The following ORC1 variants were observed in gnomAD, a reference collection of about 807,000 sequenced individuals.
ORC1 encodes origin recognition complex, subunit 1 homolog.
Under a neutral mutation model 98.9 loss-of-function variants are expected in ORC1, and 61 were observed. The observed-to-expected ratio is 0.62, with a 90% confidence interval of 0.50 to 0.76. The LOEUF (loss-of-function observed/expected upper bound fraction) is 0.76. ORC1 is among the 30% of genes least tolerant of loss of function. ORC1 has a pLI of 0.00. For synonymous variants in ORC1, 385 were observed against 406.9 expected (o/e 0.95, Z 0.65); for missense variants, 979 against 1,072.2 (o/e 0.91, Z 1.21).
intron 13 of ORC1, 64 bp downstream of exon 13, chr1:52,383,356 G>C (rs1647097147): frequency 6.9e-6 from 11 of 1,598,218 alleles, no homozygotes; most frequent in Non-Finnish European, 9.4e-6. Context: ...GACCATTTTT[G>C]CAGAACTTCT....
chr1:52,393,893 T>C (rs1388391203), intron 5 of ORC1, 90 bp from the exon 6 acceptor site: 5 of 1,339,526 alleles, frequency 3.7e-6, no homozygotes, highest in East Asian at 2.3e-5. Context: ...CACTGAGTTA[T>C]ATGTAAAACA....
chr1:52,383,461 G>C lies in ORC1; in HGVS notation c.1972C>G (p.Leu658Val), dbSNP rs778295204. The change falls in exon 13 of 17, where the codon CTG becomes GTG. Residue 658 changes from leucine to valine, a missense_variant. Coordinates refer to ENST00000371568, the MANE Select transcript of ORC1 (RefSeq NM_004153.4). ...CGGTTCATCATGATTCGCTCTGGCAGGTCCATTGTGTTGGCAATTGCCAGG... is the reference window on the plus strand; with the variant it reads ...CGGTTCATCATGATTCGCTCTGGCACGTCCATTGTGTTGGCAATTGCCAGG... ...VVLAIANTMD[L>V]PERIMMNRVS... 18 of 1,613,290 alleles carry C rather than the reference G, an allele frequency of 1.1e-5. No individual in the cohort carries two copies. The South Asian group carries it at 1.8e-4, about 16-fold the overall frequency.
At chr1:52,381,878 A>G (rs1647075207) in intron 13 of ORC1, 117 bp from the exon 14 acceptor site, 1 of 964,744 alleles carries the variant, frequency 1.0e-6, no homozygotes. Flanking sequence ...CAAATTACAC[A>G]TTTCATACCT....
intron 1 of ORC1, among the ~76,000 whole-genome samples, chr1:52,403,173 G>A (rs2147949782): frequency 6.6e-6 from 1 of 152,316 alleles, no homozygotes; most frequent in Non-Finnish European, 1.5e-5. Flanking sequence ...CCACAAAATG[G>A]AGAAAATAGA....
chr1:52,383,833 A>G lies in ORC1; in HGVS notation c.1860T>C (p.Asp620=). The change falls in exon 12 of 17, where the codon GAT becomes GAC. Residue 620 remains aspartate, a synonymous_variant. Transcript: ENST00000371568. ...TGTCCGCCCATGGGCACCTCACCTC[A>G]TCCACAAGCAGGACGGTGGTTTCCT... The part of the protein sequence containing the change: ...SPQETTVLLV[D]ELDLLWTHKQ... 2.5e-6 allele frequency: 4 copies of G among 1,613,286 alleles called. No individual in the cohort carries two copies. The highest frequency in any genetic ancestry group is 3.4e-6 in the Non-Finnish European group (4 of 1,179,338).
chr1:52,407,355 T>C (rs1211701026), upstream of ORC1, among the ~76,000 whole-genome samples: 3 of 152,068 alleles, frequency 2.0e-5, no homozygotes, highest in Admixed American at 6.5e-5. Context: ...AGAAAATACC[T>C]AACTTTTGTT....
intron 1 of ORC1, 31 bp from the exon 2 acceptor site, chr1:52,402,259 T>A: frequency 6.7e-7 from 1 of 1,500,604 alleles, no homozygotes; most frequent in Middle Eastern, 1.7e-4. Flanking sequence ...TGAGTTACCA[T>A]GATAAATATT....
At position 52,375,539 on chromosome 1, in the gene ORC1, T is replaced by A; in HGVS notation, c.2194A>T (p.Ile732Phe). Residue 732 changes from isoleucine (I) to phenylalanine (F), a missense_variant, in exon 15 of 17, where the codon ATC (isoleucine) becomes TTC (phenylalanine). Physicochemically the swap from Ile to Phe is conservative, Grantham distance 21. Coordinates refer to ENST00000371568, the MANE Select transcript of ORC1 (RefSeq NM_004153.4). ...CLDICRRATE[I>F]CEFSQQKPDS... The stretch of plus-strand genomic sequence containing the variant: ...GGCTTCTGCTGGGAGAACTCACAGA[T>A]CTCTGTGGCACGCCTGCAGATGTCC... 1.9e-6 allele frequency: 3 copies of A among 1,614,114 alleles called. No individual in the cohort carries two copies. Among genetic ancestry groups the A allele is most frequent in the Non-Finnish European group, 2.5e-6 (3 of 1,179,992 alleles).
At chr1:52,401,263 T>C (rs1647690950) in intron 3 of ORC1, 99 bp downstream of exon 3, 2 of 1,460,878 alleles carry the variant, frequency 1.4e-6, no homozygotes, top group Non-Finnish European at 9.6e-7. Context: ...CTCAGTCTAA[T>C]GTGCCCTGCA....
At chr1:52,384,008 C>T (rs1296787394) in intron 11 of ORC1, 71 bp from the exon 12 acceptor site, 2 of 1,260,810 alleles carry the variant, frequency 1.6e-6, no homozygotes, top group Non-Finnish European at 1.2e-6. Context: ...GTTAAATCTG[C>T]AAATGGAGGG....
At chr1:52,387,643 A>G (rs2147929188) in intron 8 of ORC1, among the ~76,000 whole-genome samples, 1 of 152,230 alleles carries the variant, frequency 6.6e-6, no homozygotes, top group Middle Eastern at 3.4e-3. Context: ...TTTTAAGCAG[A>G]GACAGGGTTT....
In ORC1 at chr1:52,384,595, G is replaced by A. The variant is rs868265858; in HGVS notation, c.1710C>T (p.Gly570=). Residue 570 remains glycine, a synonymous_variant, in exon 11 of 17, where the codon GGC becomes GGT. Transcript: ENST00000371568. ...CTTGGTGGGGCTCCGTCAGCTTCAT[G>A]CCATTGACCTCAATGTATTGAAAGG... ...VPPFQYIEVN[G]MKLTEPHQVY... The A allele has an allele frequency of 1.2e-6, 2 of 1,614,086 alleles. No homozygotes were observed. The highest frequency in any genetic ancestry group is 1.6e-4 in the Middle Eastern group (1 of 6,062).
At chr1:52,382,002 G>T in intron 13 of ORC1, among the ~76,000 whole-genome samples, 1 of 151,588 alleles carries the variant, frequency 6.6e-6, no homozygotes, top group African/African-American at 2.4e-5. Flanking sequence ...TCTTTGAGAC[G>T]GAGTCTTGCT....
chr1:52,396,188 C>G lies in ORC1; in HGVS notation c.579G>C (p.Lys193Asn). The G allele has an allele frequency of 6.2e-7, 1 of 1,614,198 alleles. No individual in the cohort carries two copies. Among genetic ancestry groups the G allele is most frequent in the Non-Finnish European group, 8.5e-7 (1 of 1,180,044 alleles). Residue 193 changes from lysine (K) to asparagine (N), a missense_variant, in exon 5 of 17, where the codon AAG becomes AAC. Physicochemically the swap from Lys to Asn is moderately conservative, Grantham distance 94. Transcript: ENST00000371568. ...AAKCQKPVRAKSKSAESPSWT... is the reference protein window; with the variant it reads ...AAKCQKPVRANSKSAESPSWT... ...AAGAAGGGCTCTCTGCACTCTTACT[C>G]TTGGCTCTCACGGGTTTCTGGCACT...
intron 5 of ORC1, among the ~76,000 whole-genome samples, chr1:52,395,415 T>C (rs1647349518): frequency 6.6e-6 from 1 of 151,756 alleles, no homozygotes; most frequent in African/African-American, 2.4e-5. Context: ...AGGAAAGGAG[T>C]AGTGCTTTTC....
chr1:52,404,821 C>T (rs1403256948), upstream of ORC1: 4 of 1,614,078 alleles, frequency 2.5e-6, no homozygotes, highest in East Asian at 4.5e-5. Context: ...TGGAGAAGAT[C>T]ATTCGAACGC....
chr1:52,385,675 C>T (rs1375814160), intron 9 of ORC1, among the ~76,000 whole-genome samples, 177 bp downstream of exon 9: 1 of 152,238 alleles, frequency 6.6e-6, no homozygotes, highest in African/African-American at 2.4e-5. Flanking sequence ...AACCCAGATG[C>T]TGCCTGAGAG....
In ORC1 at chr1:52,389,415, C is replaced by T; in HGVS notation, c.1083-94G>A. ...GATAGTCAAGTGGCCTGATTGGCTC[C>T]CAGTCTTTTTATATATACTTTGAAA... On this transcript the variant is annotated intron_variant, in intron 6 of 16. Transcript: ENST00000371568. The T allele has an allele frequency of 4.7e-6, 4 of 851,626 alleles. No individual in the cohort carries two copies. In the East Asian group the frequency reaches 9.9e-5, roughly 21 times the overall value. The allele number at this position is 851,626 out of a possible 1,614,324, so 52.8% of individuals were successfully genotyped here. A position where few individuals can be genotyped will look rare whatever the true frequency, so the allele number is the denominator to read the frequency against.
At chr1:52,394,497 G>C (rs555032765) in intron 5 of ORC1, among the ~76,000 whole-genome samples, 74 of 152,242 alleles carry the variant, frequency 4.9e-4, no homozygotes, top group African/African-American at 1.5e-3. Flanking sequence ...ATTACATAAA[G>C]TGAAATAAGT....
Sources: allele counts gnomAD v4.1 joint callset (sites outside exome capture counted in the v4.1 genomes callset), GRCh38; gene constraint gnomAD v4.1.1; transcripts MANE v1.5; gene names NCBI Gene and HGNC (gene_info 2026-07-23, HGNC 2026-07-21).